Variants in CDK14 observed in about 807,000 individuals in gnomAD.
The protein encoded by CDK14 is cyclin-dependent kinase 14.
Under a neutral mutation model 60.7 loss-of-function variants are expected in CDK14, and 34 were observed. The ratio of observed to expected loss-of-function variants is 0.56; its 90% CI spans 0.43 to 0.75. The LOEUF is 0.75. Ranked by LOEUF, CDK14 falls within the 30% of genes least tolerant of loss-of-function variation. CDK14 has a pLI of 0.00. For synonymous variants in CDK14, 197 were observed against 203.7 expected (o/e 0.97, Z 0.28); for missense variants, 482 against 564.1 (o/e 0.85, Z 1.47).
At chr7:90,757,016 T>C (rs1192157452) in intron 4 of CDK14, among the ~76,000 whole-genome samples, 1 of 152,196 alleles carries the variant, frequency 6.6e-6, no homozygotes, top group East Asian at 1.9e-4. Context: ...TTAAGCTACA[T>C]GTACTTTCTC....
intron 2 of CDK14, among the ~76,000 whole-genome samples, chr7:90,686,900 A>G (rs1270415726): frequency 6.6e-6 from 1 of 152,136 alleles, no homozygotes; most frequent in Non-Finnish European, 1.5e-5. Context: ...ATGTGGTTCA[A>G]TTATATTGTA....
At chr7:91,008,733 TAA>T (rs1319436985) in intron 10 of CDK14, among the ~76,000 whole-genome samples, 3 of 152,194 alleles carry the variant, frequency 2.0e-5, no homozygotes, top group African/African-American at 7.2e-5. Context: ...GTTTTATATT[TAA>T]AAGAGGGTAT....
intron 4 of CDK14, among the ~76,000 whole-genome samples, chr7:90,786,657 C>CTA (rs905907542): frequency 6.6e-6 from 1 of 152,090 alleles, no homozygotes; most frequent in Non-Finnish European, 1.5e-5. Context: ...GTGGTTCACA[C>CTA]CTTAATCCCA....
At chr7:90,785,784 C>A (rs1805553194) in intron 4 of CDK14, among the ~76,000 whole-genome samples, 1 of 59,582 alleles carries the variant, frequency 1.7e-5, no homozygotes, top group Non-Finnish European at 2.9e-5. Flanking sequence ...GAGACTCCGT[C>A]TCAAAAAAAA....
chr7:90,779,322 A>G (rs566530322), intron 4 of CDK14, among the ~76,000 whole-genome samples: 3 of 152,282 alleles, frequency 2.0e-5, no homozygotes, highest in African/African-American at 7.2e-5. Flanking sequence ...GTACAATCAT[A>G]GCTTGCTATA....
chr7:90,758,144 T>C (rs1321766438), intron 4 of CDK14, among the ~76,000 whole-genome samples: 1 of 152,214 alleles, frequency 6.6e-6, no homozygotes, highest in Non-Finnish European at 1.5e-5. Flanking sequence ...CTCACAAATA[T>C]GCTTTTAAGA....
chr7:91,160,540 A>ATAC (rs367812547), intron 14 of CDK14, among the ~76,000 whole-genome samples: 1 of 152,318 alleles, frequency 6.6e-6, no homozygotes, highest in Non-Finnish European at 1.5e-5. Flanking sequence ...CAGTCTATAA[A>ATAC]TACTTGTACT....
intron 5 of CDK14, among the ~76,000 whole-genome samples, chr7:90,810,261 G>C (rs1789037028): frequency 6.6e-6 from 1 of 152,130 alleles, no homozygotes; most frequent in Admixed American, 6.6e-5. Flanking sequence ...ACATCAAAAA[G>C]TTTATCCACC....
chr7:91,094,470 G>C (rs1187401971), intron 12 of CDK14, among the ~76,000 whole-genome samples: 1 of 152,134 alleles, frequency 6.6e-6, no homozygotes, highest in Non-Finnish European at 1.5e-5. Flanking sequence ...CTTGTTCACG[G>C]CACACGTCTG....
intron 3 of CDK14, among the ~76,000 whole-genome samples, chr7:90,727,373 G>A (rs746379570): frequency 2.0e-5 from 3 of 152,016 alleles, no homozygotes; most frequent in Non-Finnish European, 2.9e-5. Flanking sequence ...AGGACCAAAG[G>A]AAAGAAGAGA....
intron 6 of CDK14, among the ~76,000 whole-genome samples, chr7:90,880,490 A>T (rs1051634352): frequency 6.6e-6 from 1 of 152,146 alleles, no homozygotes; most frequent in Admixed American, 6.6e-5. Flanking sequence ...GGACCAGCAG[A>T]CTTAGCCTTT....
chr7:90,735,560 C>G (rs1206926774), intron 3 of CDK14, among the ~76,000 whole-genome samples: 1 of 152,248 alleles, frequency 6.6e-6, no homozygotes, highest in African/African-American at 2.4e-5. Flanking sequence ...GGCCTTTGGC[C>G]TGGCCTTGCT....
intron 5 of CDK14, among the ~76,000 whole-genome samples, chr7:90,843,189 A>G (rs1258146183): frequency 6.6e-6 from 1 of 152,186 alleles, no homozygotes; most frequent in Non-Finnish European, 1.5e-5. Context: ...TGCACCCAAT[A>G]CTGCTAGTTC....
intron 12 of CDK14, 123 bp downstream of exon 12, chr7:91,079,603 C>T (rs1335320320): frequency 2.7e-6 from 2 of 744,686 alleles, no homozygotes; most frequent in Non-Finnish European, 4.7e-6. Context: ...TTCATTTAAC[C>T]ATTAAACTGC....
intron 6 of CDK14, among the ~76,000 whole-genome samples, chr7:90,871,454 A>AGAGAG (rs1166984409): frequency 6.6e-6 from 1 of 152,182 alleles, no homozygotes; most frequent in Non-Finnish European, 1.5e-5. Flanking sequence ...AGACATACCA[A>AGAGAG]GAGAGGAGAG....
At chr7:91,134,850 C>T (rs1039296695) in intron 14 of CDK14, among the ~76,000 whole-genome samples, 1 of 151,994 alleles carries the variant, frequency 6.6e-6, no homozygotes, top group South Asian at 2.1e-4. Flanking sequence ...ACTATATAGT[C>T]TGGGCAACAG....
chr7:90,841,215 G>C (rs933168723), intron 5 of CDK14, among the ~76,000 whole-genome samples: 1 of 152,062 alleles, frequency 6.6e-6, no homozygotes, highest in Admixed American at 6.6e-5. Flanking sequence ...ACTATTCTAT[G>C]TCTTATTGTA....
chr7:91,145,747 T>G (rs1406675054), intron 14 of CDK14, among the ~76,000 whole-genome samples: 2 of 152,176 alleles, frequency 1.3e-5, no homozygotes, highest in African/African-American at 2.4e-5. Flanking sequence ...TCATCTTCCT[T>G]ATTAACTTGT....
chr7:90,854,606 T>C (rs1004029913), intron 5 of CDK14, among the ~76,000 whole-genome samples: 1 of 152,026 alleles, frequency 6.6e-6, no homozygotes. Context: ...TGAATGGTTA[T>C]TCTTCTTAAC....
Sources: gnomAD v4.1 joint callset for allele counts (sites outside exome capture counted in the v4.1 genomes callset) on GRCh38, gnomAD v4.1.1 for gene constraint, MANE v1.5 for transcripts, NCBI Gene and HGNC (gene_info 2026-07-23, HGNC 2026-07-21) for gene names.